The following FAM124A variants were observed in gnomAD, a reference collection of about 807,000 sequenced individuals.
FAM124A encodes the protein protein FAM124A.
In FAM124A, 23 loss-of-function variants were observed where a neutral mutation model predicts 24.5. The ratio of observed to expected loss-of-function variants is 0.94; its 90% CI spans 0.68 to 1.33. The LOEUF (loss-of-function observed/expected upper bound fraction) is 1.33, where lower values mean the gene tolerates loss of function less well. Ranked by LOEUF, FAM124A falls within the 40% of genes most tolerant of loss-of-function variation. FAM124A has a pLI of 0.00. For synonymous variants in FAM124A, 287 were observed against 314.7 expected (o/e 0.91, Z 0.93); for missense variants, 623 against 722.8 (o/e 0.86, Z 1.58).
intron 3 of FAM124A, among the ~76,000 whole-genome samples, chr13:51,255,805 C>T (rs1954669610): frequency 6.6e-6 from 1 of 152,196 alleles, no homozygotes; most frequent in African/African-American, 2.4e-5. Flanking sequence ...AACAGAATAG[C>T]CCCCACTCAT....
intron 2 of FAM124A, among the ~76,000 whole-genome samples, chr13:51,234,445 A>T (rs779860451): frequency 6.6e-6 from 1 of 152,150 alleles, no homozygotes; most frequent in African/African-American, 2.4e-5. Context: ...CACTAAGCGA[A>T]AGGTATAAGA....
intron 2 of FAM124A, among the ~76,000 whole-genome samples, chr13:51,243,119 G>A (rs1053311416): frequency 3.9e-5 from 6 of 152,160 alleles, no homozygotes; most frequent in African/African-American, 1.2e-4. Flanking sequence ...TCACTTCACT[G>A]CCACCACAGG....
chr13:51,257,141 C>T (rs977299212), intron 3 of FAM124A, among the ~76,000 whole-genome samples: 3 of 152,160 alleles, frequency 2.0e-5, no homozygotes, highest in Admixed American at 6.5e-5. Context: ...CCGCTATGAA[C>T]GTGGGTATGT....
Position 51,231,351 on chromosome 13 carries a change from C to T in FAM124A, c.72C>T (p.Ser24=), listed in dbSNP as rs144302752. ...ACGCTGAGGTCTTGTGTTTCAGGTC[C>T]GACTACAGCCACCTGTCCTCCACGA... ...CVDSGAETGG[S]DYSHLSSTSS... Residue 24 remains serine, a synonymous_variant, in exon 2 of 4, where the codon TCC becomes TCT. Coordinates refer to ENST00000322475, the MANE Select transcript of FAM124A (RefSeq NM_001242312.2). 6.4e-5 allele frequency: 104 copies of T among 1,613,602 alleles called. No individual in the cohort carries two copies. Among genetic ancestry groups the T allele is most frequent in the South Asian group, 5.4e-4 (49 of 90,884 alleles).
At chr13:51,228,812 C>A (rs1170624637) in intron 1 of FAM124A, among the ~76,000 whole-genome samples, 6 of 152,012 alleles carry the variant, frequency 3.9e-5, no homozygotes, top group African/African-American at 1.2e-4. Flanking sequence ...AGTATTTATA[C>A]CTCAAATCAG....
intron 2 of FAM124A, among the ~76,000 whole-genome samples, chr13:51,245,755 G>A (rs1954551631): frequency 6.6e-6 from 1 of 152,158 alleles, no homozygotes; most frequent in Non-Finnish European, 1.5e-5. Context: ...ATCTATCATA[G>A]TGTTGCTTTA....
intron 3 of FAM124A, among the ~76,000 whole-genome samples, chr13:51,276,752 T>C (rs17194879): frequency 0.15 from 22,795 of 152,240 alleles, 2,267 homozygotes; most frequent in Admixed American, 0.25. Flanking sequence ...CGTTGCCCAA[T>C]TTTCTTGAGA....
At position 51,258,931 on chromosome 13, in the gene FAM124A, C is replaced by G. The variant is rs574293503; in HGVS notation, c.834+6730C>G. On this transcript the variant is annotated intron_variant, in intron 3 of 3. Coordinates refer to ENST00000322475, the MANE Select transcript of FAM124A (RefSeq NM_001242312.2). The surrounding 1 kb of genome is among the most constrained non-coding windows in gnomAD (Gnocchi z 4.2). ...AGCAGAGCTGGGGCAGATGCTGTTCCGGGGGCACTGGGGAGCCCCAGGGAG... is the reference window on the plus strand; with the variant it reads ...AGCAGAGCTGGGGCAGATGCTGTTCGGGGGGCACTGGGGAGCCCCAGGGAG... Among the ~76,000 whole-genome samples the G allele has an allele frequency of 6.6e-6, 1 of 152,132 alleles. No individual in the cohort carries two copies. The highest frequency in any genetic ancestry group is 2.1e-4 in the South Asian group (1 of 4,826).
At chr13:51,250,922 G>A (rs1367269810) in intron 2 of FAM124A, among the ~76,000 whole-genome samples, 2 of 152,194 alleles carry the variant, frequency 1.3e-5, no homozygotes, top group Non-Finnish European at 2.9e-5. Flanking sequence ...TCCATCATTC[G>A]CCTTGTGCCT....
chr13:51,251,789 T>C lies in FAM124A; in HGVS notation c.422T>C (p.Leu141Pro). The C allele has an allele frequency of 1.3e-6, 2 of 1,590,518 alleles. No individual in the cohort carries two copies. The highest frequency in any genetic ancestry group is 1.7e-6 in the Non-Finnish European group (2 of 1,168,918). ...ACCGAGCAGGTGCACGGCCGGTTCC[T>C]GCCCTACCTGCCCTGCAGCCAGGAC... The part of the protein sequence containing the change: ...HHTEQVHGRF[L>P]PYLPCSQDFF... The change falls in exon 3 of 4, where the codon CTG (leucine) becomes CCG (proline). Residue 141 changes from leucine to proline, a missense_variant. Physicochemically the swap from Leu to Pro is moderately conservative, Grantham distance 98 (BLOSUM62 -3). Transcript: ENST00000322475. This position sits in a 1 kb window ranked among gnomAD's most constrained non-coding sequence, Gnocchi z 5.3.
chr13:51,235,131 C>T (rs146028583), intron 2 of FAM124A, among the ~76,000 whole-genome samples: 1 of 152,172 alleles, frequency 6.6e-6, no homozygotes, highest in East Asian at 1.9e-4. Flanking sequence ...TTTTTCAGAT[C>T]GACAAGGAAG....
intron 3 of FAM124A, among the ~76,000 whole-genome samples, chr13:51,275,866 G>A (rs1372595747): frequency 6.6e-6 from 1 of 152,160 alleles, no homozygotes; most frequent in East Asian, 1.9e-4. Context: ...TTCCACTCCT[G>A]GGAATATACC....
chr13:51,261,591 A>G (rs1162255817), intron 3 of FAM124A, among the ~76,000 whole-genome samples: 1 of 140,632 alleles, frequency 7.1e-6, no homozygotes, highest in Non-Finnish European at 1.5e-5. Flanking sequence ...AGGTGGAGGA[A>G]GGAAAGTGAG....
Position 51,280,576 on chromosome 13 carries a change from TC to T in FAM124A, c.965del (p.Pro322ArgfsTer85). ...PSHTPGSSQQSPLNSPHPGPI... is the reference protein window; with the variant it reads ...PSHTPGSSQQXPLNSPHPGPI... The stretch of plus-strand genomic sequence containing the variant: ...CCATACACCTGGCAGCAGCCAGCAG[TC>T]CCCGCTCAACAGTCCTCACCCGGGG... On this transcript the variant is annotated frameshift_variant, in exon 4 of 4. Transcript: ENST00000322475. LOFTEE classifies it low-confidence loss of function (END_TRUNC). The T allele has an allele frequency of 6.2e-7, 1 of 1,613,916 alleles. No individual in the cohort carries two copies. The highest frequency in any genetic ancestry group is 1.1e-5 in the South Asian group (1 of 91,068).
intron 2 of FAM124A, among the ~76,000 whole-genome samples, chr13:51,239,897 A>G (rs951923754): frequency 1.3e-5 from 2 of 152,222 alleles, no homozygotes; most frequent in African/African-American, 4.8e-5. Context: ...GTCGGTTATA[A>G]ACGGGGAGAC....
chr13:51,268,791 T>TG (rs899210407), intron 3 of FAM124A, among the ~76,000 whole-genome samples: 1 of 152,246 alleles, frequency 6.6e-6, no homozygotes, highest in African/African-American at 2.4e-5. Context: ...CTGGCTGGTT[T>TG]GGGGTTGCTC....
In FAM124A at chr13:51,283,761, G is replaced by A. The variant is rs1357114262; in HGVS notation, c.*2505G>A. 9.5e-6 allele frequency: 1 copy of A among 105,086 alleles called. No individual in the cohort carries two copies. Among genetic ancestry groups the A allele is most frequent in the African/African-American group, 3.8e-5 (1 of 26,502 alleles). The allele number at this position is 105,086 out of a possible 1,614,324, so 6.5% of individuals were successfully genotyped here. ...GCAAGTTCATCAGTAACAAAAGTCA[G>A]TGAGGCAAAAAAAAAAAAAAAAAAA... On this transcript the variant is annotated 3_prime_UTR_variant, in exon 4 of 4. Coordinates refer to ENST00000322475, the MANE Select transcript of FAM124A (RefSeq NM_001242312.2).
intron 2 of FAM124A, among the ~76,000 whole-genome samples, chr13:51,234,423 A>C (rs2137652899): frequency 6.6e-6 from 1 of 152,284 alleles, no homozygotes; most frequent in Middle Eastern, 3.4e-3. Context: ...ATGGGAGAAA[A>C]AGAAAAGTTA....
intron 2 of FAM124A, among the ~76,000 whole-genome samples, chr13:51,250,872 A>G (rs1056096195): frequency 3.3e-5 from 5 of 152,236 alleles, no homozygotes; most frequent in Admixed American, 2.6e-4. Flanking sequence ...ACCTGTCTAT[A>G]GAGTAAGCCC....
Sources: gnomAD v4.1 joint callset for allele counts (sites outside exome capture counted in the v4.1 genomes callset) on GRCh38, gnomAD v4.1.1 for gene constraint, Gnocchi (gnomAD v3.1) non-coding constraint, MANE v1.5 for transcripts, NCBI Gene and HGNC (gene_info 2026-07-23, HGNC 2026-07-21) for gene names.